The following CAPN15 variants were observed in gnomAD, a reference collection of about 807,000 sequenced individuals.
CAPN15 encodes calpain 15.
CAPN15 carries 53 observed loss-of-function variants against 97.9 expected under a neutral mutation model. The observed-to-expected ratio is 0.54, with a 90% CI of 0.43 to 0.68. The LOEUF is 0.68. Among genes scored for constraint, CAPN15 ranks in the 30% least tolerant of loss-of-function variants. The probability of loss-of-function intolerance (pLI) is 0.00; values close to 1 mark genes in which losing one functional copy is unlikely to be tolerated. For synonymous variants in CAPN15, 922 were observed against 722.5 expected (o/e 1.28, Z -4.43); for missense variants, 1,592 against 1,589.8 (o/e 1.00, Z -0.02).
Position 554,268 on chromosome 16 carries a change from G to A in CAPN15, c.*752G>A, listed in dbSNP as rs555082788. On this transcript the variant is annotated 3_prime_UTR_variant, in exon 14 of 14. Coordinates refer to ENST00000219611, the MANE Select transcript of CAPN15 (RefSeq NM_005632.3). ...TGCCAGAGAGGGACCCCAGCACATCGTGGGCACGGGCAGGGCTCAGCCGCT... is the reference window on the plus strand; with the variant it reads ...TGCCAGAGAGGGACCCCAGCACATCATGGGCACGGGCAGGGCTCAGCCGCT... 3.6e-5 allele frequency: 12 copies of A among 335,720 alleles called. No individual in the cohort carries two copies. Among genetic ancestry groups the A allele is most frequent in the South Asian group, 7.2e-5 (3 of 41,832 alleles). 20.8% of individuals were successfully genotyped at this position (335,720 alleles called of 1,614,324 possible).
At position 552,903 on chromosome 16, in the gene CAPN15, G is replaced by A; in HGVS notation, c.2945G>A (p.Trp982Ter). Residue 982 changes from tryptophan to a stop codon, truncating the protein, a stop_gained, in exon 13 of 14, where the codon TGG becomes TAG. Transcript: ENST00000219611. LOFTEE classifies it high-confidence loss of function. The surrounding 1 kb of genome is among the most constrained non-coding windows in gnomAD (Gnocchi z 6.4). Reference protein sequence around the residue: ...GMTCYYLTHGWAGLIVVVENR... With the variant: ...GMTCYYLTHG ...ACCTGCTACTACCTGACACACGGTT[G>A]GGCGGGGCTCATCGTGGTGGTGGAG... 6.2e-7 allele frequency: 1 copy of A among 1,610,974 alleles called. No individual in the cohort carries two copies. Among genetic ancestry groups the A allele is most frequent in the Non-Finnish European group, 8.5e-7 (1 of 1,178,904 alleles).
At chr16:540,958 C>T (rs1238758581) in intron 3 of CAPN15, among the ~76,000 whole-genome samples, 2 of 152,238 alleles carry the variant, frequency 1.3e-5, no homozygotes, top group Non-Finnish European at 2.9e-5. Flanking sequence ...CGTCCTGGCC[C>T]TCACTGGAGG....
intron 13 of CAPN15, 61 bp from the exon 14 acceptor site, chr16:553,278 C>A: frequency 8.2e-7 from 1 of 1,223,730 alleles, no homozygotes; most frequent in Middle Eastern, 2.0e-4. Flanking sequence ...TACAGGTGGG[C>A]ACAGCCCTGC....
chr16:540,305 G>A (rs911187609), intron 3 of CAPN15: 13 of 985,550 alleles, frequency 1.3e-5, no homozygotes, highest in Middle Eastern at 1.0e-3. Flanking sequence ...AGCGGCCCAG[G>A]GGGGCCCGTC....
At chr16:530,324 G>T (rs771430162) in intron 1 of CAPN15, among the ~76,000 whole-genome samples, 1 of 152,212 alleles carries the variant, frequency 6.6e-6, no homozygotes, top group Non-Finnish European at 1.5e-5. Context: ...CTATGCAGCC[G>T]TGCGCAGAGC....
chr16:540,696 A>G (rs951357989), intron 3 of CAPN15, among the ~76,000 whole-genome samples: 1 of 152,086 alleles, frequency 6.6e-6, no homozygotes, highest in Non-Finnish European at 1.5e-5. Flanking sequence ...CTCTGGGCAT[A>G]TTGCCTGCTG....
Position 552,790 on chromosome 16 carries a change from G to A in CAPN15, c.2904+19G>A. The A allele has an allele frequency of 2.0e-6, 3 of 1,529,540 alleles. No individual in the cohort carries two copies. Among genetic ancestry groups the A allele is most frequent in the Non-Finnish European group, 2.6e-6 (3 of 1,135,676 alleles). 94.7% of individuals were successfully genotyped at this position (1,529,540 alleles called of 1,614,324 possible). On this transcript the variant is annotated intron_variant, in intron 12 of 13. Coordinates refer to ENST00000219611, the MANE Select transcript of CAPN15 (RefSeq NM_005632.3). The surrounding 1 kb of genome is among the most constrained non-coding windows in gnomAD (Gnocchi z 6.4). The stretch of plus-strand genomic sequence containing the variant: ...GCACGAGGTGGGTGGGGGTCCCGGG[G>A]GAGGGTGGCGTGGGGCAGGGGGAGT...
At chr16:528,943 C>G (rs144230876) in intron 1 of CAPN15, among the ~76,000 whole-genome samples, 26 of 152,344 alleles carry the variant, frequency 1.7e-4, no homozygotes, top group Middle Eastern at 3.4e-3. Context: ...TTTCCAGAGT[C>G]TGGGGCTGGG....
At chr16:536,737 C>T (rs937667852) in intron 3 of CAPN15, 5 of 152,464 alleles carry the variant, frequency 3.3e-5, no homozygotes, top group Admixed American at 1.3e-4. Context: ...GAGCCTTTTC[C>T]GTAGCTGCTC....
intron 1 of CAPN15, among the ~76,000 whole-genome samples, chr16:530,610 A>G (rs992524619): frequency 6.6e-6 from 1 of 152,196 alleles, no homozygotes; most frequent in African/African-American, 2.4e-5. Context: ...TGTGGGTCAC[A>G]CACAGCTGGG....
chr16:534,216 G>A (rs576654465), intron 2 of CAPN15, among the ~76,000 whole-genome samples: 20 of 152,248 alleles, frequency 1.3e-4, no homozygotes, highest in Non-Finnish European at 1.8e-4. Context: ...CGGTGAGGGC[G>A]GCCCGGGGTC....
intron 3 of CAPN15, among the ~76,000 whole-genome samples, chr16:544,892 C>CCACGTCGTCGTCTCCCCT (rs1238512791): frequency 7.9e-6 from 1 of 126,668 alleles, no homozygotes; most frequent in African/African-American, 3.5e-5. Context: ...TCGTCTCCCC[C>CCACGTCGTCGTCTCCCCT]CACGTCGTCG....
Position 549,189 on chromosome 16 carries a change from T to C in CAPN15, c.1646T>C (p.Leu549Pro). The change falls in exon 5 of 14, where the codon CTG becomes CCG. Residue 549 changes from leucine (L) to proline (P), a missense_variant. Physicochemically the swap from Leu to Pro is moderately conservative, Grantham distance 98 (BLOSUM62 -3). Coordinates refer to ENST00000219611, the MANE Select transcript of CAPN15 (RefSeq NM_005632.3). ...CCCTCAGACATCCTGCAGGGGCTGC[T>C]GGGGAACTGCTGGTGAGGCCTTCTC... ...LRPSDILQGLLGNCWFLSALA... is the reference protein window; with the variant it reads ...LRPSDILQGLPGNCWFLSALA... 7.8e-7 allele frequency: 1 copy of C among 1,278,020 alleles called. No homozygotes were observed. 79.2% of individuals were successfully genotyped at this position (1,278,020 alleles called of 1,614,324 possible).
chr16:528,688 C>T, intron 1 of CAPN15: 1 of 985,058 alleles, frequency 1.0e-6, no homozygotes, highest in Non-Finnish European at 1.2e-6. Context: ...TCGGGGCCCC[C>T]TTACTGCTCT....
intron 1 of CAPN15, among the ~76,000 whole-genome samples, chr16:529,666 C>G (rs180993289): frequency 6.6e-6 from 1 of 152,198 alleles, no homozygotes; most frequent in Non-Finnish European, 1.5e-5. Context: ...CCCTCTGGCC[C>G]GCGGTGTGAT....
rs932166786 is a variant in CAPN15, at chr16:552,637, T to C, written c.2770T>C (p.Ser924Pro). The C allele has an allele frequency of 4.6e-6, 7 of 1,535,328 alleles. No individual in the cohort carries two copies. In the African/African-American group the frequency reaches 9.7e-5, roughly 21 times the overall value. Residue 924 changes from serine to proline, a missense_variant, in exon 12 of 14, where the codon TCC (serine) becomes CCC (proline). By Grantham distance (74) the Ser-to-Pro change is moderately conservative. Coordinates refer to ENST00000219611, the MANE Select transcript of CAPN15 (RefSeq NM_005632.3). This position sits in a 1 kb window ranked among gnomAD's most constrained non-coding sequence, Gnocchi z 6.4. ...SSPSAGVPRA[S>P]PEPPGHVLAV... ...CCCCTCGGCAGGGGTCCCGAGAGCC[T>C]CCCCAGAGCCGCCGGGCCACGTGCT...
At position 548,077 on chromosome 16, in the gene CAPN15, G is replaced by C; in HGVS notation, c.1239G>C (p.Pro413=). 1 of 1,538,578 alleles carries C rather than the reference G, an allele frequency of 6.5e-7. No homozygotes were observed. Among genetic ancestry groups the C allele is most frequent in the Non-Finnish European group, 8.8e-7 (1 of 1,142,698 alleles). The change falls in exon 4 of 14, where the codon CCG becomes CCC. Residue 413 remains proline (P), a synonymous_variant. Coordinates refer to ENST00000219611, the MANE Select transcript of CAPN15 (RefSeq NM_005632.3). ...QKAARVLPER[P]GQWACPACTL... ...CCGCCCGCGTCCTGCCCGAGCGCCCGGGCCAGTGGGCCTGCCCTGCCTGTA... is the reference window on the plus strand; with the variant it reads ...CCGCCCGCGTCCTGCCCGAGCGCCCCGGCCAGTGGGCCTGCCCTGCCTGTA...
In CAPN15 at chr16:553,884, C is replaced by G. The variant is rs11539618; in HGVS notation, c.*368C>G. The G allele has an allele frequency of 0.3, 59,955 of 198,362 alleles. 10,782 individuals are homozygous for G. Among genetic ancestry groups the G allele is most frequent in the East Asian group, 0.8 (5,716 of 7,102 alleles). The allele number at this position is 198,362 out of a possible 1,614,324, so 12.3% of individuals were successfully genotyped here. A position where few individuals can be genotyped will look rare whatever the true frequency, so the allele number is the denominator to read the frequency against. ...AGGAGCTCTGTCCGCAAAACCAAATCTGGGTGTCAGAGGCCAAGACCCTGG... is the reference window on the plus strand; with the variant it reads ...AGGAGCTCTGTCCGCAAAACCAAATGTGGGTGTCAGAGGCCAAGACCCTGG... On this transcript the variant is annotated 3_prime_UTR_variant, in exon 14 of 14. Transcript: ENST00000219611.
chr16:549,323 C>A lies in CAPN15; in HGVS notation c.1694C>A (p.Pro565Gln). The A allele has an allele frequency of 6.3e-7, 1 of 1,593,904 alleles. No homozygotes were observed. Among genetic ancestry groups the A allele is most frequent in the Non-Finnish European group, 8.5e-7 (1 of 1,176,942 alleles). The change falls in exon 6 of 14, where the codon CCG becomes CAG. Residue 565 changes from proline to glutamine, a missense_variant. This residue lies in a region of CAPN15 where 65 missense variants were observed against 113.7 expected (regional missense o/e 0.57). Coordinates refer to ENST00000219611, the MANE Select transcript of CAPN15 (RefSeq NM_005632.3). The part of the protein sequence containing the change: ...LSALAVLAER[P>Q]DLVERVMVTR... ...GCCCTGGCGGTGCTGGCGGAGCGGC[C>A]GGACCTGGTGGAGCGGGTGATGGTC...
Sources: allele counts gnomAD v4.1 joint callset (sites outside exome capture counted in the v4.1 genomes callset), GRCh38; gene constraint gnomAD v4.1.1; regional missense constraint gnomAD v4.1.1; non-coding constraint Gnocchi (gnomAD v3.1); transcripts MANE v1.5; gene names NCBI Gene and HGNC (gene_info 2026-07-23, HGNC 2026-07-21).